Variants in MASP1 observed in about 807,000 individuals in gnomAD.
MASP1 encodes MBL associated serine protease 1.
Under a neutral mutation model 77.1 loss-of-function variants are expected in MASP1, and 59 were observed. That is an observed-to-expected ratio of 0.77 (90% confidence interval 0.62 to 0.95). MASP1 has a LOEUF of 0.95. MASP1 is among the 40% of genes least tolerant of loss of function. MASP1 has a pLI of 0.00. For missense variants in MASP1, 885 were observed against 912.9 expected, an observed-to-expected ratio of 0.97 and a Z score of 0.39; for synonymous variants, 362 against 354.5, an observed-to-expected ratio of 1.02 and a Z score of -0.24.
intron 6 of MASP1, 89 bp downstream of exon 6, chr3:187,253,079 A>T: frequency 6.4e-7 from 1 of 1,562,968 alleles, no homozygotes; most frequent in East Asian, 2.2e-5. Context: ...TCCAGAGGAG[A>T]TCCAAGCCTG....
Position 187,289,893 on chromosome 3 carries a change from C to T in MASP1, c.5+1735G>A, listed in dbSNP as rs111433629. ...CTTACTTCATCCAGAATCTGAAACC[C>T]CCATGAGACAGTGCTCTTGAAAGTG... On this transcript the variant is annotated intron_variant, in intron 1 of 10. Coordinates refer to ENST00000296280, the MANE Select transcript of MASP1 (RefSeq NM_139125.4). Among the ~76,000 whole-genome samples, 252 of 152,282 alleles carry T rather than the reference C, an allele frequency of 1.7e-3. 2 individuals are homozygous for T. The highest frequency in any genetic ancestry group is 5.7e-3 in the African/African-American group (237 of 41,554).
chr3:187,241,806 C>T (rs1713666855), intron 9 of MASP1: 1 of 430,138 alleles, frequency 2.3e-6, no homozygotes, highest in Admixed American at 3.5e-5. Flanking sequence ...CAAATACCCA[C>T]AGGGCTACCA....
downstream of MASP1, among the ~76,000 whole-genome samples, chr3:187,231,102 GC>G (rs1211466589): frequency 1.9e-4 from 29 of 152,348 alleles, no homozygotes; most frequent in African/African-American, 6.5e-4. Flanking sequence ...GACGCTCAGA[GC>G]CCAATGAGTG....
rs896815878 is a variant in MASP1, at chr3:187,234,531, C to G, written c.*1153G>C. On this transcript the variant is annotated 3_prime_UTR_variant, in exon 11 of 11. Transcript: ENST00000296280. ...TTGGGGGCAGAGCAGGGACTAGAAC[C>G]CAGGACTCCTGGCTCTTTTCACTGC... 7.0e-6 allele frequency: 9 copies of G among 1,287,088 alleles called. No homozygotes were observed. Among genetic ancestry groups the G allele is most frequent in the Non-Finnish European group, 8.1e-6 (8 of 988,622 alleles). 79.7% of individuals were successfully genotyped at this position (1,287,088 alleles called of 1,614,324 possible).
At position 187,260,891 on chromosome 3, in the gene MASP1, C is replaced by T. The variant is rs750039188; in HGVS notation, c.416-19G>A. 4 of 1,613,894 alleles carry T rather than the reference C, an allele frequency of 2.5e-6. No homozygotes were observed. Among genetic ancestry groups the T allele is most frequent in the Non-Finnish European group, 3.4e-6 (4 of 1,179,936 alleles). The stretch of plus-strand genomic sequence containing the variant: ...TCCACATCTGTAGGGCAGGTAAAGC[C>T]TCTCCATCAATACATGCATGATGAT... On this transcript the variant is annotated intron_variant, in intron 3 of 10. Transcript: ENST00000296280.
At chr3:187,278,119 C>T (rs2108595950) in intron 2 of MASP1, among the ~76,000 whole-genome samples, 1 of 152,282 alleles carries the variant, frequency 6.6e-6, no homozygotes, top group East Asian at 1.9e-4. Flanking sequence ...TTGGCATTCA[C>T]AGTAAGTCTA....
chr3:187,285,999 G>A lies in MASP1; in HGVS notation c.63C>T (p.Thr21=), dbSNP rs779419283. 14 of 1,614,082 alleles carry A rather than the reference G, an allele frequency of 8.7e-6. No homozygotes were observed. Among genetic ancestry groups the A allele is most frequent in the Admixed American group, 8.3e-5 (5 of 60,008 alleles). ...GGCCAAACATATTGTTTAGCTCCAC[G>A]GTGTGGGCTGAAGCCTTTGACAGGG... ...CFSLSKASAH[T]VELNNMFGQI... Residue 21 remains threonine, a synonymous_variant, in exon 2 of 11, where the codon ACC becomes ACT. Transcript: ENST00000296280.
chr3:187,226,381 A>G (rs748588484), intron 12 of MASP1: 3 of 1,531,820 alleles, frequency 2.0e-6, no homozygotes, highest in Non-Finnish European at 2.7e-6. Context: ...TGGCTTTGGG[A>G]GTCAGCTTGC....
At position 187,222,746 on chromosome 3, in the gene MASP1, C is replaced by T. The variant is rs375222294; in HGVS notation, c.1809+381G>A. ...CTAAGTGTAACTGCCAAGTTCATTA[C>T]TGCAAGGACTGTGGTTCTCAAGAGC... On this transcript the variant is annotated intron_variant, in intron 14 of 15. Coordinates refer to the MASP1 transcript ENST00000337774. Among the ~76,000 whole-genome samples the T allele has an allele frequency of 8.3e-4, 125 of 150,916 alleles. 4 individuals carry two copies. The South Asian group carries it at 0.026, about 31-fold the overall frequency.
intron 2 of MASP1, among the ~76,000 whole-genome samples, chr3:187,265,011 C>G (rs1715899149): frequency 6.6e-6 from 1 of 152,098 alleles, no homozygotes; most frequent in South Asian, 2.1e-4. Flanking sequence ...CAGTTATCCA[C>G]TTGTAAAAAC....
chr3:187,229,812 A>T, downstream of MASP1: 1 of 1,614,174 alleles, frequency 6.2e-7, no homozygotes, highest in Non-Finnish European at 8.5e-7. Context: ...ACAGCATGGC[A>T]ATCCAGGGAG....
intron 10 of MASP1, among the ~76,000 whole-genome samples, chr3:187,237,033 C>G (rs1713244070): frequency 6.6e-6 from 1 of 152,184 alleles, no homozygotes; most frequent in Non-Finnish European, 1.5e-5. Context: ...CCTAAAAAAC[C>G]ATCTAGCAGG....
chr3:187,236,346 T>C lies in MASP1; in HGVS notation c.1525A>G (p.Ile509Val). 6.2e-7 allele frequency: 1 copy of C among 1,614,246 alleles called. No individual in the cohort carries two copies. The highest frequency in any genetic ancestry group is 8.5e-7 in the Non-Finnish European group (1 of 1,180,050). The change falls in exon 11 of 11, where the codon ATA becomes GTA. Residue 509 changes from isoleucine to valine, a missense_variant. Coordinates refer to ENST00000296280, the MANE Select transcript of MASP1 (RefSeq NM_139125.4). ...GTGACATGCTCCTTGGAGACTGGTATCACCGTGGTGTCTCTACGCTGGGAG... is the reference window on the plus strand; with the variant it reads ...GTGACATGCTCCTTGGAGACTGGTACCACCGTGGTGTCTCTACGCTGGGAG... ...LRSQRRDTTV[I>V]PVSKEHVTVY... is the part of the protein sequence containing the mutation.
At chr3:187,262,421 A>G (rs1715662044) in intron 3 of MASP1, 122 bp downstream of exon 3, 4 of 932,882 alleles carry the variant, frequency 4.3e-6, no homozygotes, top group African/African-American at 1.6e-5. Context: ...GCATTAAGAC[A>G]TTAATGGTAA....
chr3:187,265,501 T>A (rs1715945094), intron 2 of MASP1, among the ~76,000 whole-genome samples: 1 of 152,036 alleles, frequency 6.6e-6, no homozygotes, highest in Admixed American at 6.5e-5. Context: ...CTGAGGCCCA[T>A]GGGAAAATTT....
At chr3:187,229,029 T>C (rs942906991) in intron 11 of MASP1, among the ~76,000 whole-genome samples, 2 of 152,186 alleles carry the variant, frequency 1.3e-5, no homozygotes, top group South Asian at 2.1e-4. Context: ...CCGGGCCTTC[T>C]TCCTTGGGGG....
At chr3:187,259,574 C>T (rs976398486) in intron 4 of MASP1, among the ~76,000 whole-genome samples, 23 of 152,038 alleles carry the variant, frequency 1.5e-4, no homozygotes, top group Non-Finnish European at 2.5e-4. Flanking sequence ...AGTGAGAAAC[C>T]TTGCTCTGCC....
chr3:187,225,726 G>A (rs1475775531), intron 12 of MASP1, among the ~76,000 whole-genome samples: 1 of 152,100 alleles, frequency 6.6e-6, no homozygotes, highest in Non-Finnish European at 1.5e-5. Flanking sequence ...AACTGATGCT[G>A]TTGCCTTGTA....
rs1273597691 is a variant in MASP1, at chr3:187,235,206, C to T, written c.*478G>A. On this transcript the variant is annotated 3_prime_UTR_variant, in exon 11 of 11. Transcript: ENST00000296280. ...TCTTCTCCTAGAGGAAGGATTAGGC[C>T]AAGGCTAGTCCCAGAAGGCAGAGCA... The T allele has an allele frequency of 7.8e-7, 1 of 1,288,384 alleles. No homozygotes were observed. The highest frequency in any genetic ancestry group is 1.0e-6 in the Non-Finnish European group (1 of 989,610). 79.8% of individuals were successfully genotyped at this position (1,288,384 alleles called of 1,614,324 possible). A position where few individuals can be genotyped will look rare whatever the true frequency, so the allele number is the denominator to read the frequency against.
Sources: gnomAD v4.1 joint callset for allele counts (sites outside exome capture counted in the v4.1 genomes callset) on GRCh38, gnomAD v4.1.1 for gene constraint, MANE v1.5 for transcripts, NCBI Gene and HGNC (gene_info 2026-07-23, HGNC 2026-07-21) for gene names.